CRACDL: variants seen among roughly 807,000 people sequenced by gnomAD.
The protein encoded by CRACDL is CRACD like.
CRACDL carries 26 observed loss-of-function variants against 70.6 expected under a neutral mutation model. The ratio of observed to expected loss-of-function variants is 0.37; its 90% CI spans 0.27 to 0.51. The LOEUF (loss-of-function observed/expected upper bound fraction) is 0.51. Among genes scored for constraint, CRACDL ranks in the 20% least tolerant of loss-of-function variants. The pLI, the probability that CRACDL is intolerant of heterozygous loss-of-function variation, is 0.94. For synonymous variants in CRACDL, 618 were observed against 615.2 expected (o/e 1.00, Z -0.07); for missense variants, 1,283 against 1,376.9 (o/e 0.93, Z 1.08).
intron 1 of CRACDL, among the ~76,000 whole-genome samples, chr2:98,905,691 C>T (rs953045236): frequency 2.8e-4 from 42 of 150,180 alleles, no homozygotes; most frequent in African/African-American, 9.9e-4. Context: ...TGCAGTGGCA[C>T]GATCTCTGCT....
intron 1 of CRACDL, among the ~76,000 whole-genome samples, chr2:98,925,744 G>T (rs1708895666): frequency 6.6e-6 from 1 of 152,148 alleles, no homozygotes. Context: ...TACACAGGGT[G>T]ACTACAAGGA....
At position 98,796,207 on chromosome 2, in the gene CRACDL, T is replaced by G. The variant is rs1703815118; in HGVS notation, c.2662A>C (p.Lys888Gln). ...RSKSFLITPV[K>Q]PAVDRKQGAK... ...CCCTGCTTCCGGTCCACAGCGGGCT[T>G]CACAGGGGTTATCAGGAAAGACTTG... Residue 888 changes from lysine to glutamine, a missense_variant, in exon 9 of 10, where the codon AAG becomes CAG. Coordinates refer to ENST00000397899, the MANE Select transcript of CRACDL (RefSeq NM_207362.3). The G allele has an allele frequency of 6.2e-7, 1 of 1,614,208 alleles. No homozygotes were observed. Among genetic ancestry groups the G allele is most frequent in the African/African-American group, 1.3e-5 (1 of 75,068 alleles).
At position 98,796,254 on chromosome 2, in the gene CRACDL, T is replaced by C. The variant is rs1703818599; in HGVS notation, c.2615A>G (p.Lys872Arg). ...CTTGCTGCGAACAAAGTCAGCTTGC[T>C]TCACAGGCTCCTGTTGGGACATAAG... ...KVPERGQEPV[K>R]QADFVRSKSF... is the part of the protein sequence containing the mutation. The change falls in exon 9 of 10, where the codon AAG becomes AGG. Residue 872 changes from lysine (K) to arginine (R), a missense_variant. By Grantham distance (26) the Lys-to-Arg change is conservative. This residue lies in a region of CRACDL where 921 missense variants were observed against 881.9 expected (regional missense o/e 1.04). Transcript: ENST00000397899. The C allele has an allele frequency of 3.7e-6, 6 of 1,613,938 alleles. No individual in the cohort carries two copies. The South Asian group carries it at 5.5e-5, about 15-fold the overall frequency.
chr2:98,913,932 A>G (rs867743390), intron 1 of CRACDL, among the ~76,000 whole-genome samples: 6 of 152,226 alleles, frequency 3.9e-5, no homozygotes, highest in Admixed American at 1.3e-4. Flanking sequence ...ACCCAACTCC[A>G]TGGTTTACGC....
chr2:98,862,157 T>C (rs1375383897), intron 1 of CRACDL, among the ~76,000 whole-genome samples: 1 of 152,100 alleles, frequency 6.6e-6, no homozygotes, highest in Admixed American at 6.5e-5. Flanking sequence ...GATTAGAAAG[T>C]CACCATGCAT....
intron 1 of CRACDL, among the ~76,000 whole-genome samples, chr2:98,916,883 G>A (rs375020273): frequency 2.6e-5 from 4 of 152,202 alleles, no homozygotes; most frequent in African/African-American, 9.6e-5. Context: ...CCTGTCCTTC[G>A]GTATACTTCA....
At chr2:98,795,469 C>T (rs776490418) in intron 9 of CRACDL, among the ~76,000 whole-genome samples, 1 of 152,184 alleles carries the variant, frequency 6.6e-6, no homozygotes, top group African/African-American at 2.4e-5. Context: ...AGGGTACATA[C>T]GTTAGGATTC....
At chr2:98,935,635 T>C (rs1165937548) in intron 1 of CRACDL, among the ~76,000 whole-genome samples, 1 of 152,200 alleles carries the variant, frequency 6.6e-6, no homozygotes, top group Non-Finnish European at 1.5e-5. Context: ...TCCTCTTTCA[T>C]TTTCCTGGCG....
In CRACDL at chr2:98,888,211, G is replaced by A. The variant is rs555936280; in HGVS notation, c.-10-41401C>T. On this transcript the variant is annotated intron_variant, in intron 1 of 9. Coordinates refer to ENST00000397899, the MANE Select transcript of CRACDL (RefSeq NM_207362.3). ...CCAAATCCAAATGAAAGAATAAAGA[G>A]TACTAGTTAAGGCAATTACATGGGT... Among the ~76,000 whole-genome samples the A allele has an allele frequency of 6.6e-5, 10 of 152,280 alleles. No homozygotes were observed. In the South Asian group the frequency reaches 1.9e-3, roughly 28 times the overall value.
chr2:98,821,762 G>A lies in CRACDL; in HGVS notation c.2416+95C>T, dbSNP rs1705038824. 17 of 1,442,464 alleles carry A rather than the reference G, an allele frequency of 1.2e-5. No individual in the cohort carries two copies. In the South Asian group the frequency reaches 1.6e-4, roughly 13 times the overall value. The allele number at this position is 1,442,464 out of a possible 1,614,324, so 89.4% of individuals were successfully genotyped here. A position where few individuals can be genotyped will look rare whatever the true frequency, so the allele number is the denominator to read the frequency against. Reference sequence around the variant, plus strand: ...TTCCAATTCCCCTGCAACAAAGTTTGTACCAGGAGCATTTGGCGAGTGTCC... The same window carrying A: ...TTCCAATTCCCCTGCAACAAAGTTTATACCAGGAGCATTTGGCGAGTGTCC... On this transcript the variant is annotated intron_variant, in intron 7 of 9. Coordinates refer to ENST00000397899, the MANE Select transcript of CRACDL (RefSeq NM_207362.3).
At chr2:98,931,792 G>A (rs1347489761) in intron 1 of CRACDL, among the ~76,000 whole-genome samples, 1 of 152,170 alleles carries the variant, frequency 6.6e-6, no homozygotes, top group African/African-American at 2.4e-5. Context: ...AAAGCTGGTG[G>A]CTGACGCTGC....
In CRACDL at chr2:98,888,867, C is replaced by T. The variant is rs551437529; in HGVS notation, c.-10-42057G>A. On this transcript the variant is annotated intron_variant, in intron 1 of 9. Transcript: ENST00000397899. ...TAACCAAGCCGGGCGCAGTGGCTCA[C>T]GCCTGTAATCCCAGCACTTTGGGTG... 1.0e-3 allele frequency among the ~76,000 whole-genome samples: 158 copies of T among 152,246 alleles called. 1 individual carries two copies. The highest frequency in any genetic ancestry group is 3.2e-3 in the African/African-American group (133 of 41,548).
Position 98,797,475 on chromosome 2 carries a change from T to G in CRACDL, c.2479A>C (p.Ile827Leu). 1 of 1,614,218 alleles carries G rather than the reference T, an allele frequency of 6.2e-7. No individual in the cohort carries two copies. Among genetic ancestry groups the G allele is most frequent in the Non-Finnish European group, 8.5e-7 (1 of 1,180,038 alleles). ...CTCCGCTTCTGCCGAGTGACGGTGA[T>G]CCAGGGTGGCGCAGGCTGCCCATCA... Reference protein sequence around the residue: ...GADGQPAPPWITVTRQKRRGT... With the variant: ...GADGQPAPPWLTVTRQKRRGT... The change falls in exon 8 of 10, where the codon ATC becomes CTC. Residue 827 changes from isoleucine (I) to leucine (L), a missense_variant. Ile to Leu is a conservative substitution (Grantham distance 5). Transcript: ENST00000397899.
At chr2:98,933,648 C>T (rs73965240) in intron 1 of CRACDL, among the ~76,000 whole-genome samples, 5 of 152,134 alleles carry the variant, frequency 3.3e-5, no homozygotes, top group African/African-American at 4.8e-5. Flanking sequence ...TGACAAGGCA[C>T]GGAGCCAGCC....
intron 1 of CRACDL, chr2:98,869,419 CG>C (rs1707264874): frequency 8.0e-6 from 4 of 500,038 alleles, no homozygotes; most frequent in African/African-American, 2.0e-5. Context: ...CCCTGAAGGC[CG>C]GGATGGGGGT....
chr2:98,807,396 T>C (rs537294389), intron 7 of CRACDL, among the ~76,000 whole-genome samples: 1 of 152,354 alleles, frequency 6.6e-6, no homozygotes, highest in East Asian at 1.9e-4. Context: ...GGAGCTGTCC[T>C]GTGCACTGTA....
intron 7 of CRACDL, among the ~76,000 whole-genome samples, chr2:98,798,615 T>C (rs1703942785): frequency 6.6e-6 from 1 of 152,094 alleles, no homozygotes; most frequent in Non-Finnish European, 1.5e-5. Flanking sequence ...TTTCATATTT[T>C]CTACGATAAG....
chr2:98,881,357 A>C (rs555973097), intron 1 of CRACDL, among the ~76,000 whole-genome samples: 1 of 152,280 alleles, frequency 6.6e-6, no homozygotes, highest in East Asian at 1.9e-4. Context: ...CTGAATCTGC[A>C]CTTCACCAAG....
chr2:98,821,525 G>A (rs1383637922), intron 7 of CRACDL, among the ~76,000 whole-genome samples: 1 of 152,166 alleles, frequency 6.6e-6, no homozygotes, highest in Non-Finnish European at 1.5e-5. Flanking sequence ...GCTTCCCTGG[G>A]CCACACTGGA....
Sources: allele counts gnomAD v4.1 joint callset (sites outside exome capture counted in the v4.1 genomes callset), GRCh38; gene constraint gnomAD v4.1.1; regional missense constraint gnomAD v4.1.1; transcripts MANE v1.5; gene names NCBI Gene and HGNC (gene_info 2026-07-23, HGNC 2026-07-21).